The following FMN1 variants were observed in gnomAD, a reference collection of about 807,000 sequenced individuals.
FMN1 encodes the protein formin-1.
A neutral mutation model predicts 132.4 loss-of-function variants in FMN1; 110 were observed. The observed-to-expected ratio is 0.83, with a 90% CI of 0.71 to 0.97. The LOEUF (loss-of-function observed/expected upper bound fraction) is 0.97. Among genes scored for constraint, FMN1 ranks in the 50% least tolerant of loss-of-function variants. The probability of loss-of-function intolerance (pLI) is 0.00; values close to 1 mark genes in which losing one functional copy is unlikely to be tolerated. For missense variants in FMN1, 1,792 were observed against 1,705.3 expected (o/e 1.05, Z -0.90); for synonymous variants, 722 against 651.7 (o/e 1.11, Z -1.64).
chr15:32,771,370 C>CGCCCA lies in FMN1; in HGVS notation c.*2939_*2940insTGGGC, dbSNP rs541283300. On this transcript the variant is annotated 3_prime_UTR_variant, in exon 21 of 21. Coordinates refer to ENST00000616417, the MANE Select transcript of FMN1 (RefSeq NM_001277313.2). ...CTGGGATTATAGGCATGAGCCACCA[C>CGCCCA]GCCCGGCCCGGGCCTGATGCTTTTT... is the stretch of plus-strand genomic sequence containing the variant. 0.011 allele frequency: 1,593 copies of CGCCCA among 145,472 alleles called. 20 individuals are homozygous for CGCCCA. Among genetic ancestry groups the CGCCCA allele is most frequent in the Non-Finnish European group, 0.015 (1,001 of 65,380 alleles). 9.0% of individuals were successfully genotyped at this position (145,472 alleles called of 1,614,324 possible).
intron 16 of FMN1, among the ~76,000 whole-genome samples, chr15:32,886,559 CTATT>C (rs901623307): frequency 6.6e-6 from 1 of 152,166 alleles, no homozygotes; most frequent in Non-Finnish European, 1.5e-5. Context: ...TATCCTCTTG[CTATT>C]TATCATCAAA....
intron 5 of FMN1, among the ~76,000 whole-genome samples, chr15:33,073,400 G>A (rs201240888): frequency 3.3e-5 from 5 of 152,136 alleles, no homozygotes; most frequent in Non-Finnish European, 5.9e-5. Context: ...AACTTAGTAA[G>A]GGTAAATAAG....
At chr15:33,053,377 GCTC>G (rs748620856) in intron 6 of FMN1, among the ~76,000 whole-genome samples, 5 of 152,200 alleles carry the variant, frequency 3.3e-5, no homozygotes, top group Non-Finnish European at 7.3e-5. Flanking sequence ...CACAGAAGTT[GCTC>G]CTATGTTGGC....
intron 2 of FMN1, among the ~76,000 whole-genome samples, chr15:33,191,131 C>G (rs943449082): frequency 6.6e-6 from 1 of 150,702 alleles, no homozygotes; most frequent in Non-Finnish European, 1.5e-5. Context: ...GACCGTGCCA[C>G]TGCACTCCAG....
intron 3 of FMN1, among the ~76,000 whole-genome samples, chr15:33,165,925 T>G (rs888279572): frequency 1.3e-5 from 2 of 152,244 alleles, no homozygotes; most frequent in African/African-American, 4.8e-5. Context: ...ATTTTTTGGT[T>G]GTTGTTGTTA....
intron 6 of FMN1, among the ~76,000 whole-genome samples, chr15:33,034,562 G>C (rs901012386): frequency 6.6e-6 from 1 of 152,140 alleles, no homozygotes; most frequent in African/African-American, 2.4e-5. Flanking sequence ...GGGCAACAGA[G>C]AGAGACCTTG....
At chr15:33,128,929 A>C (rs1031607829) in intron 4 of FMN1, among the ~76,000 whole-genome samples, 2 of 152,014 alleles carry the variant, frequency 1.3e-5, no homozygotes, top group Admixed American at 1.3e-4. Flanking sequence ...TTATTGGTCC[A>C]TTTTACAGAG....
intron 4 of FMN1, among the ~76,000 whole-genome samples, chr15:33,102,209 T>C (rs1461469046): frequency 6.6e-6 from 1 of 152,154 alleles, no homozygotes; most frequent in Non-Finnish European, 1.5e-5. Flanking sequence ...TCAGGACCTG[T>C]GTCTTTGTAA....
chr15:33,184,838 C>T (rs1348794521), intron 2 of FMN1, among the ~76,000 whole-genome samples: 1 of 152,072 alleles, frequency 6.6e-6, no homozygotes, highest in Non-Finnish European at 1.5e-5. Context: ...TGTTGCAAAT[C>T]GTATCCTTAA....
At chr15:33,169,740 C>CTTTTTTTTTTTTTTTTT (rs57083437) in intron 3 of FMN1, among the ~76,000 whole-genome samples, 2 of 117,908 alleles carry the variant, frequency 1.7e-5, no homozygotes, top group Non-Finnish European at 3.5e-5. Flanking sequence ...TTTTCTTTTC[C>CTTTTTTTTTTTTTTTTT]TTTTTTTTTT....
chr15:33,069,993 CTTTTTTTTTT>C lies in FMN1; in HGVS notation c.2044-4929_2044-4920del, dbSNP rs1171369156. 4.1e-3 allele frequency among the ~76,000 whole-genome samples: 307 copies of C among 74,312 alleles called. 4 individuals carry two copies. The highest frequency in any genetic ancestry group is 0.012 in the Middle Eastern group (1 of 86). The allele number at this position is 74,312 out of a possible 152,430, so 48.8% of individuals were successfully genotyped here. A position where few individuals can be genotyped will look rare whatever the true frequency, so the allele number is the denominator to read the frequency against. ...AACAGATCATAAGATCAGTCTTTCT[CTTTTTTTTTT>C]TTTTTTTTTTTTTTTTTTTGAGACC... On this transcript the variant is annotated intron_variant, in intron 5 of 20. Coordinates refer to ENST00000616417, the MANE Select transcript of FMN1 (RefSeq NM_001277313.2).
intron 19 of FMN1, among the ~76,000 whole-genome samples, chr15:32,791,860 A>T (rs2057091454): frequency 6.6e-6 from 1 of 152,232 alleles, no homozygotes; most frequent in African/African-American, 2.4e-5. Context: ...TCCAACCGAG[A>T]CATATTGAAT....
chr15:32,831,281 T>C (rs2058494916), intron 17 of FMN1, among the ~76,000 whole-genome samples: 2 of 152,028 alleles, frequency 1.3e-5, no homozygotes, highest in South Asian at 4.2e-4. Flanking sequence ...TGCAGTGGTA[T>C]GATCTCGGCT....
At chr15:32,893,091 CT>C (rs2060071195) in intron 15 of FMN1, among the ~76,000 whole-genome samples, 1 of 152,230 alleles carries the variant, frequency 6.6e-6, no homozygotes, top group African/African-American at 2.4e-5. Context: ...CAGGAATCCT[CT>C]TGACCCTTCC....
intron 16 of FMN1, among the ~76,000 whole-genome samples, chr15:32,882,258 G>A (rs541820098): frequency 5.7e-4 from 87 of 152,312 alleles, no homozygotes; most frequent in African/African-American, 1.9e-3. Flanking sequence ...AAACTGTAAA[G>A]GAACAAAGTA....
At chr15:33,027,354 T>G (rs918745666) in intron 6 of FMN1, among the ~76,000 whole-genome samples, 5 of 152,222 alleles carry the variant, frequency 3.3e-5, no homozygotes, top group African/African-American at 1.2e-4. Context: ...GTGTGTCCCA[T>G]TCAATATTTG....
intron 10 of FMN1, among the ~76,000 whole-genome samples, chr15:32,923,296 G>C (rs1174385177): frequency 6.6e-6 from 1 of 152,084 alleles, no homozygotes; most frequent in Non-Finnish European, 1.5e-5. Context: ...CTTTCACCAG[G>C]GTGACAACAC....
At chr15:32,973,168 T>C (rs1472605675) in intron 7 of FMN1, among the ~76,000 whole-genome samples, 1 of 152,226 alleles carries the variant, frequency 6.6e-6, no homozygotes, top group Non-Finnish European at 1.5e-5. Context: ...ATCTCTTCAA[T>C]AATTAGCTTT....
At position 32,898,225 on chromosome 15, in the gene FMN1, C is replaced by A. The variant is rs138064646; in HGVS notation, c.3714+609G>T. Among the ~76,000 whole-genome samples the A allele has an allele frequency of 2.1e-3, 323 of 152,318 alleles. 2 individuals carry two copies. Among genetic ancestry groups the A allele is most frequent in the African/African-American group, 7.6e-3 (314 of 41,572 alleles). On this transcript the variant is annotated intron_variant, in intron 15 of 20. Coordinates refer to ENST00000616417, the MANE Select transcript of FMN1 (RefSeq NM_001277313.2). Reference sequence around the variant, plus strand: ...CATTTACTTTGAGACTTTTACTATTCATATCGATTGCTATATTTCTTAACA... The same window carrying A: ...CATTTACTTTGAGACTTTTACTATTAATATCGATTGCTATATTTCTTAACA...
Sources: gnomAD v4.1 joint callset for allele counts (sites outside exome capture counted in the v4.1 genomes callset) on GRCh38, gnomAD v4.1.1 for gene constraint, MANE v1.5 for transcripts, NCBI Gene and HGNC (gene_info 2026-07-23, HGNC 2026-07-21) for gene names.